The following ZSCAN18 variants were observed in gnomAD, a reference collection of about 807,000 sequenced individuals.
ZSCAN18 encodes the protein zinc finger and SCAN domain containing 18.
ZSCAN18 carries 16 observed loss-of-function variants against 31.1 expected under a neutral mutation model. The observed-to-expected ratio is 0.51, with a 90% confidence interval of 0.35 to 0.78. The LOEUF is 0.78. Among genes scored for constraint, ZSCAN18 ranks in the 30% least tolerant of loss-of-function variants. The probability of loss-of-function intolerance (pLI) is 0.01; values close to 1 mark genes in which losing one functional copy is unlikely to be tolerated. For synonymous variants in ZSCAN18, 375 were observed against 320.7 expected (o/e 1.17, Z -1.81); for missense variants, 731 against 697.4 (o/e 1.05, Z -0.54).
chr19:58,104,615 T>C (rs772091116), intron 1 of ZSCAN18, among the ~76,000 whole-genome samples: 4 of 151,800 alleles, frequency 2.6e-5, no homozygotes, highest in South Asian at 2.1e-4. Flanking sequence ...GGCATGAGAA[T>C]TGCTTGAACC....
At chr19:58,089,803 G>A (rs2074373371) in intron 2 of ZSCAN18, 62 bp downstream of exon 2, 8 of 1,531,218 alleles carry the variant, frequency 5.2e-6, no homozygotes, top group Admixed American at 2.0e-5. Context: ...GCTGGCACTG[G>A]GGCCTTCCAG....
chr19:58,116,424 TC>T (rs1267054759), intron 1 of ZSCAN18, among the ~76,000 whole-genome samples: 12 of 151,712 alleles, frequency 7.9e-5, no homozygotes, highest in Non-Finnish European at 4.4e-5. Context: ...GATGAAGACC[TC>T]CACCTCACAG....
intron 1 of ZSCAN18, chr19:58,109,266 C>T (rs2074660136): frequency 8.1e-7 from 1 of 1,231,590 alleles, no homozygotes; most frequent in Admixed American, 4.2e-5. Context: ...CCAACACCAT[C>T]CCAAGTTGAT....
chr19:58,093,425 G>T, intron 1 of ZSCAN18: 1 of 152,298 alleles, frequency 6.6e-6, no homozygotes, highest in African/African-American at 2.4e-5. Flanking sequence ...TGGAGAAGCA[G>T]GATAGCTAGG....
At chr19:58,102,280 A>G (rs891028408), upstream of ZSCAN18, among the ~76,000 whole-genome samples, 6 of 152,002 alleles carry the variant, frequency 3.9e-5, no homozygotes, top group African/African-American at 1.5e-4. Context: ...AACACGGTGA[A>G]ACCCTGTCTC....
chr19:58,108,265 C>T, intron 1 of ZSCAN18: 1 of 985,428 alleles, frequency 1.0e-6, no homozygotes. Context: ...ACATAGGGCT[C>T]CCCTCACATG....
At chr19:58,099,987 G>T (rs1337950414), upstream of ZSCAN18, among the ~76,000 whole-genome samples, 1 of 135,110 alleles carries the variant, frequency 7.4e-6, no homozygotes, top group Non-Finnish European at 1.6e-5. Context: ...TTGAGACAAG[G>T]TCTCACTCTG....
At position 58,085,324 on chromosome 19, in the gene ZSCAN18, C is replaced by T. The variant is rs773806173; in HGVS notation, c.894G>A (p.Ala298=). The T allele has an allele frequency of 8.8e-6, 14 of 1,595,546 alleles. No homozygotes were observed. Among genetic ancestry groups the T allele is most frequent in the Middle Eastern group, 1.8e-4 (1 of 5,558 alleles). ...AGCACEEAAP[A]GVLPELPTEA... ...CCGTAGGCAGCTCAGGCAGCACCCC[C>T]GCGGGGGCGGCCTCCTCGCAGGCGC... is the stretch of plus-strand genomic sequence containing the variant. Residue 298 remains alanine, a synonymous_variant, in exon 7 of 7, where the codon GCG becomes GCA. Coordinates refer to ENST00000601144, the MANE Select transcript of ZSCAN18 (RefSeq NM_001145543.2).
chr19:58,118,401 G>T (rs936220604), upstream of ZSCAN18: 20 of 1,509,910 alleles, frequency 1.3e-5, no homozygotes, highest in Admixed American at 2.8e-4. Context: ...CCGCATGGGC[G>T]CGCAGAGTTC....
In ZSCAN18 at chr19:58,115,916, A is replaced by G. The variant is rs1193515074; in HGVS notation, c.130+2351T>C. ...ATACACATTCAACTTGCCTCCCTAA[A>G]GCACTGGTGGAAACGCTGAAAACCT... On this transcript the variant is annotated intron_variant, in intron 1 of 1. Coordinates refer to the ZSCAN18 transcript ENST00000595721. 5.9e-5 allele frequency among the ~76,000 whole-genome samples: 9 copies of G among 152,176 alleles called. No homozygotes were observed. In the East Asian group the frequency reaches 1.5e-3, roughly 26 times the overall value.
Position 58,085,014 on chromosome 19 carries a change from C to G in ZSCAN18, c.1204G>C (p.Ala402Pro), listed in dbSNP as rs200085530. Residue 402 changes from alanine to proline, a missense_variant, in exon 7 of 7, where the codon GCT becomes CCT. Ala to Pro is a conservative substitution (Grantham distance 27). Around this residue, in one of 4 missense-constraint regions of ZSCAN18, gnomAD observed 597 missense variants for 499.5 expected, o/e 1.20. Transcript: ENST00000601144. ...CCGCGGGACAAGCCCGGCTCGTCAG[C>G]CCCAGGGCCCTGCCCGGCCTCCAGC... ...AGLEAGQGPG[A>P]DEPGLSRGKP... is the part of the protein sequence containing the mutation. 19 of 1,590,224 alleles carry G rather than the reference C, an allele frequency of 1.2e-5. No individual in the cohort carries two copies. The Admixed American group carries it at 2.6e-4, about 22-fold the overall frequency.
intron 1 of ZSCAN18, among the ~76,000 whole-genome samples, chr19:58,105,007 C>T (rs916964712): frequency 2.6e-5 from 4 of 152,096 alleles, no homozygotes; most frequent in Admixed American, 6.5e-5. Context: ...AAGAACAGGC[C>T]GACTCTTGTT....
rs2074296744 is a variant in ZSCAN18 at position 58,087,100 on chromosome 19, C to T, written c.643-92G>A. 3 of 1,164,198 alleles carry T rather than the reference C, an allele frequency of 2.6e-6. No homozygotes were observed. The South Asian group carries it at 4.3e-5, about 16-fold the overall frequency. The allele number at this position is 1,164,198 out of a possible 1,614,324, so 72.1% of individuals were successfully genotyped here. A position where few individuals can be genotyped will look rare whatever the true frequency, so the allele number is the denominator to read the frequency against. On this transcript the variant is annotated intron_variant, in intron 4 of 6. Transcript: ENST00000601144. ...ACAGCCACAGGAGCAGGCTAGGAGC[C>T]AGCCCTGGCCAGGGACTCTAACCCA... is the stretch of plus-strand genomic sequence containing the variant.
intron 1 of ZSCAN18, among the ~76,000 whole-genome samples, chr19:58,103,988 G>A (rs1047227338): frequency 6.6e-6 from 1 of 152,182 alleles, no homozygotes; most frequent in African/African-American, 2.4e-5. Flanking sequence ...TACCCAAAGA[G>A]AACTAACATT....
intron 1 of ZSCAN18, among the ~76,000 whole-genome samples, chr19:58,097,144 C>T (rs2074533552): frequency 1.3e-5 from 2 of 152,018 alleles, no homozygotes; most frequent in African/African-American, 4.8e-5. Context: ...GACTGTGCCA[C>T]TCAGCCTCGC....
At chr19:58,097,497 C>G (rs1308169443) in intron 1 of ZSCAN18, among the ~76,000 whole-genome samples, 1 of 151,858 alleles carries the variant, frequency 6.6e-6, no homozygotes, top group Non-Finnish European at 1.5e-5. Flanking sequence ...ACAGAACCCA[C>G]CCCCAGGTGA....
upstream of ZSCAN18, among the ~76,000 whole-genome samples, chr19:58,101,140 T>C (rs866367266): frequency 1.8e-3 from 266 of 148,950 alleles, 4 homozygotes; most frequent in South Asian, 0.03. Context: ...TTTTTTTTTT[T>C]TTTTTTTTTT....
chr19:58,086,502 A>C, intron 5 of ZSCAN18: 1 of 508,956 alleles, frequency 2.0e-6, no homozygotes, highest in East Asian at 3.2e-5. Flanking sequence ...AAGCTAAAGA[A>C]AGACATTGAC....
intron 5 of ZSCAN18, 71 bp from the exon 6 acceptor site, chr19:58,086,337 G>T: frequency 1.4e-6 from 2 of 1,395,802 alleles, no homozygotes; most frequent in Non-Finnish European, 2.0e-6. Context: ...TGTGTGTCGT[G>T]GGCCAGCCAG....
Sources: allele counts gnomAD v4.1 joint callset (sites outside exome capture counted in the v4.1 genomes callset), GRCh38; gene constraint gnomAD v4.1.1; regional missense constraint gnomAD v4.1.1; transcripts MANE v1.5; gene names NCBI Gene and HGNC (gene_info 2026-07-23, HGNC 2026-07-21).